UBE2G2: variants seen among roughly 807,000 people sequenced by gnomAD.
UBE2G2 encodes ubiquitin conjugating enzyme E2 G2, also known as ubiquitin-conjugating enzyme E2 G2.
A neutral mutation model predicts 23.0 loss-of-function variants in UBE2G2; 10 were observed. That is an observed-to-expected ratio of 0.43 (90% CI 0.27 to 0.74). UBE2G2 has a LOEUF of 0.74. UBE2G2 is among the 30% of genes least tolerant of loss of function. The pLI, the probability that UBE2G2 is intolerant of heterozygous loss-of-function variation, is 0.19. For synonymous variants in UBE2G2, 86 were observed against 81.3 expected, an observed-to-expected ratio of 1.06 and a Z score of -0.31; for missense variants, 150 against 218.3, an observed-to-expected ratio of 0.69 and a Z score of 1.97.
At chr21:44,785,587 C>T (rs934364382) in intron 3 of UBE2G2, 4 of 152,134 alleles carry the variant, frequency 2.6e-5, no homozygotes, top group Non-Finnish European at 2.9e-5. Flanking sequence ...GAGGCAAGCA[C>T]GGGTTTTAGA....
rs1413099713 is a variant in UBE2G2, at chr21:44,772,445, G to A, written c.386-956C>T. Among the ~76,000 whole-genome samples, 2 of 152,084 alleles carry A rather than the reference G, an allele frequency of 1.3e-5. No individual in the cohort carries two copies. Among genetic ancestry groups the A allele is most frequent in the Non-Finnish European group, 2.9e-5 (2 of 67,996 alleles). The stretch of plus-strand genomic sequence containing the variant: ...CTCTGGCATCGACCCCTGGCCCTCT[G>A]CTGGGTCTGCTCTTTCCTTTCGGAC... On this transcript the variant is annotated intron_variant, in intron 5 of 5. Coordinates refer to ENST00000345496, the MANE Select transcript of UBE2G2 (RefSeq NM_003343.6). This position sits in a 1 kb window ranked among gnomAD's most constrained non-coding sequence, Gnocchi z 5.4.
At chr21:44,791,228 G>A (rs2083041379) in intron 1 of UBE2G2, among the ~76,000 whole-genome samples, 1 of 152,176 alleles carries the variant, frequency 6.6e-6, no homozygotes, top group Admixed American at 6.5e-5. Context: ...CCATTTTCTG[G>A]AGAGAAATTC....
chr21:44,798,251 T>C (rs1356931652), intron 1 of UBE2G2, among the ~76,000 whole-genome samples: 2 of 152,264 alleles, frequency 1.3e-5, no homozygotes, highest in Admixed American at 1.3e-4. Context: ...CAGCAGGTCA[T>C]AATCTTTTTG....
intron 1 of UBE2G2, among the ~76,000 whole-genome samples, chr21:44,795,729 A>G (rs1411836419): frequency 6.7e-6 from 1 of 149,450 alleles, no homozygotes; most frequent in Non-Finnish European, 1.5e-5. Flanking sequence ...CACTTAATAC[A>G]CTGCTAGGGA....
In UBE2G2 at chr21:44,788,055, C is replaced by T; in HGVS notation, c.79+5G>A. 6.2e-7 allele frequency: 1 copy of T among 1,611,780 alleles called. No individual in the cohort carries two copies. The highest frequency in any genetic ancestry group is 8.5e-7 in the Non-Finnish European group (1 of 1,179,050). On this transcript the variant is annotated splice_donor_5th_base_variant and intron_variant, in intron 2 of 5. Transcript: ENST00000345496. ...ATTATAAGGAAGTTAACTTTGGTAC[C>T]TTACCTGCTACAATTCCTTCCGGAG...
chr21:44,772,779 T>C lies in UBE2G2; in HGVS notation c.385+768A>G, dbSNP rs2082883401. Among the ~76,000 whole-genome samples, 1 of 152,132 alleles carries C rather than the reference T, an allele frequency of 6.6e-6. No homozygotes were observed. The highest frequency in any genetic ancestry group is 1.5e-5 in the Non-Finnish European group (1 of 68,008). ...CCCTTCCTCTTAGCCCTGGGACCAC[T>C]CAGCCCTTCTCTTTTCTCTCCAGGC... On this transcript the variant is annotated intron_variant, in intron 5 of 5. Coordinates refer to ENST00000345496, the MANE Select transcript of UBE2G2 (RefSeq NM_003343.6). This position sits in a 1 kb window ranked among gnomAD's most constrained non-coding sequence, Gnocchi z 5.4.
rs533617321 is a variant in UBE2G2 at position 44,777,339 on chromosome 21, G to C, written c.204C>G (p.Pro68=). Residue 68 remains proline (P), a synonymous_variant, in exon 4 of 6, where the codon CCC becomes CCG. Coordinates refer to ENST00000345496, the MANE Select transcript of UBE2G2 (RefSeq NM_003343.6). Reference sequence around the variant, plus strand: ...TCTCACAGGTAAATCTCATCTTTGGGGGACTTAACGGGTAATCAAGTGGGA... The same window carrying C: ...TCTCACAGGTAAATCTCATCTTTGGCGGACTTAACGGGTAATCAAGTGGGA... ...LSFPLDYPLS[P]PKMRFTCEMF... The C allele has an allele frequency of 5.0e-6, 8 of 1,614,022 alleles. No homozygotes were observed. In the African/African-American group the frequency reaches 1.1e-4, roughly 22 times the overall value.
intron 1 of UBE2G2, among the ~76,000 whole-genome samples, chr21:44,797,192 TC>T (rs2083097639): frequency 6.6e-6 from 1 of 152,216 alleles, no homozygotes; most frequent in African/African-American, 2.4e-5. Flanking sequence ...ACAACACACT[TC>T]CGTGACAAAC....
intron 3 of UBE2G2, among the ~76,000 whole-genome samples, chr21:44,786,281 G>A (rs188971032): frequency 3.3e-5 from 5 of 152,260 alleles, no homozygotes; most frequent in Admixed American, 1.3e-4. Context: ...GAGCTGCCCC[G>A]ATACAAGTAT....
chr21:44,796,216 C>T (rs1000833935), intron 1 of UBE2G2, among the ~76,000 whole-genome samples: 2 of 152,226 alleles, frequency 1.3e-5, no homozygotes, highest in Non-Finnish European at 2.9e-5. Flanking sequence ...CAATTGAGTT[C>T]TTTCCTGGCT....
chr21:44,771,228 T>G lies in UBE2G2; in HGVS notation c.*149A>C, dbSNP rs1255535253. The G allele has an allele frequency of 6.1e-6, 4 of 652,886 alleles. No individual in the cohort carries two copies. Among genetic ancestry groups the G allele is most frequent in the East Asian group, 2.7e-5 (1 of 37,692 alleles). The allele number at this position is 652,886 out of a possible 1,614,324, so 40.4% of individuals were successfully genotyped here. On this transcript the variant is annotated 3_prime_UTR_variant, in exon 6 of 6. Coordinates refer to ENST00000345496, the MANE Select transcript of UBE2G2 (RefSeq NM_003343.6). This position sits in a 1 kb window ranked among gnomAD's most constrained non-coding sequence, Gnocchi z 4.6. ...TTTCAGAAGAGAAGCCTGTTTGAAG[T>G]AGGAAAGGTTTGAAAAAAAAAAAAG...
At chr21:44,788,622 T>G (rs1342187619) in intron 1 of UBE2G2, among the ~76,000 whole-genome samples, 1 of 81,720 alleles carries the variant, frequency 1.2e-5, no homozygotes, top group African/African-American at 3.7e-5. Context: ...ACATAGACTT[T>G]TCTTTTTCTT....
At chr21:44,774,708 G>A (rs1555960359) in intron 4 of UBE2G2, 1 of 456,398 alleles carries the variant, frequency 2.2e-6, no homozygotes. Flanking sequence ...GAAGAAACTA[G>A]ATGCATACTT....
intron 1 of UBE2G2, among the ~76,000 whole-genome samples, chr21:44,791,672 C>T (rs1363134134): frequency 1.3e-5 from 2 of 152,234 alleles, no homozygotes; most frequent in African/African-American, 4.8e-5. Context: ...TCTGCTAGGG[C>T]ATTGCAGAAG....
chr21:44,783,906 G>A (rs2082974988), intron 3 of UBE2G2, among the ~76,000 whole-genome samples: 1 of 152,326 alleles, frequency 6.6e-6, no homozygotes, highest in South Asian at 2.1e-4. Context: ...TGTAATCCCA[G>A]CACTTTGGGA....
chr21:44,781,373 T>C (rs2082954859), intron 3 of UBE2G2, among the ~76,000 whole-genome samples: 1 of 152,204 alleles, frequency 6.6e-6, no homozygotes, highest in Non-Finnish European at 1.5e-5. Flanking sequence ...CTTCAGTCCC[T>C]GCTCTGCAGT....
rs2146397557 is a variant in UBE2G2, at chr21:44,788,110, A to G, written c.44-15T>C. Reference sequence around the variant, plus strand: ...CAGTGTTAATTCTATAAAATTAATAAGTAAAACCATTACCAAACAGAATAA... The same window carrying G: ...CAGTGTTAATTCTATAAAATTAATAGGTAAAACCATTACCAAACAGAATAA... On this transcript the variant is annotated splice_polypyrimidine_tract_variant and intron_variant, in intron 1 of 5. Transcript: ENST00000345496. 1 of 1,592,966 alleles carries G rather than the reference A, an allele frequency of 6.3e-7. No homozygotes were observed.
intron 1 of UBE2G2, 77 bp downstream of exon 1, chr21:44,801,628 GC>G: frequency 1.4e-6 from 2 of 1,462,680 alleles, no homozygotes; most frequent in South Asian, 2.7e-5. Flanking sequence ...CAGGCTCCCT[GC>G]CCCAGCCCCG....
chr21:44,801,452 CTG>C, intron 1 of UBE2G2: 1 of 1,202,146 alleles, frequency 8.3e-7, no homozygotes, highest in Non-Finnish European at 1.1e-6. Context: ...AAAGACTCAA[CTG>C]TGTGTGCTCT....
Sources: allele counts gnomAD v4.1 joint callset (sites outside exome capture counted in the v4.1 genomes callset), GRCh38; gene constraint gnomAD v4.1.1; non-coding constraint Gnocchi (gnomAD v3.1); transcripts MANE v1.5; gene names NCBI Gene and HGNC (gene_info 2026-07-23, HGNC 2026-07-21).